FMN1: variants seen among roughly 807,000 people sequenced by gnomAD.
FMN1 encodes formin 1, also known as formin-1.
In FMN1, 110 loss-of-function variants were observed where a neutral mutation model predicts 132.4. The ratio of observed to expected loss-of-function variants is 0.83; its 90% confidence interval spans 0.71 to 0.97. The LOEUF (loss-of-function observed/expected upper bound fraction) is 0.97, where lower values mean the gene tolerates loss of function less well. Ranked by LOEUF, FMN1 falls within the 50% of genes least tolerant of loss-of-function variation. FMN1 has a pLI of 0.00. For synonymous variants in FMN1, 722 were observed against 651.7 expected (o/e 1.11, Z -1.64); for missense variants, 1,792 against 1,705.3 (o/e 1.05, Z -0.90).
At chr15:33,018,859 G>C (rs1596482220) in intron 6 of FMN1, among the ~76,000 whole-genome samples, 1 of 152,302 alleles carries the variant, frequency 6.6e-6, no homozygotes, top group African/African-American at 2.4e-5. Flanking sequence ...TCTTAAGGCA[G>C]CACGTCTGGA....
rs1405376367 is a variant in FMN1, at chr15:32,893,257, C to T, written c.3715-4965G>A. ...TCATCTGAGTGCCAAGATGGAACAA[C>T]ATCTAAGATCCTCACTACAAAGCTC... On this transcript the variant is annotated intron_variant, in intron 15 of 20. Coordinates refer to ENST00000616417, the MANE Select transcript of FMN1 (RefSeq NM_001277313.2). Among the ~76,000 whole-genome samples, 3 of 152,338 alleles carry T rather than the reference C, an allele frequency of 2.0e-5. No individual in the cohort carries two copies. In the East Asian group the frequency reaches 5.8e-4, roughly 29 times the overall value.
At chr15:32,803,815 T>C (rs1446995734) in intron 18 of FMN1, among the ~76,000 whole-genome samples, 2 of 152,204 alleles carry the variant, frequency 1.3e-5, no homozygotes, top group South Asian at 2.1e-4. Flanking sequence ...ACAGGCAGAA[T>C]AGTGTCATGA....
intron 9 of FMN1, among the ~76,000 whole-genome samples, chr15:32,953,702 G>A (rs377613091): frequency 3.9e-5 from 6 of 152,166 alleles, no homozygotes; most frequent in South Asian, 2.1e-4. Flanking sequence ...GCTAGGAGAC[G>A]GAGGAAAAAA....
intron 7 of FMN1, among the ~76,000 whole-genome samples, chr15:32,990,110 C>A (rs535892338): frequency 6.6e-6 from 1 of 152,078 alleles, no homozygotes; most frequent in Non-Finnish European, 1.5e-5. Flanking sequence ...TAGCTTTCCA[C>A]AAAAACTTAT....
At chr15:33,182,437 T>G (rs543101340) in intron 2 of FMN1, among the ~76,000 whole-genome samples, 53 of 152,348 alleles carry the variant, frequency 3.5e-4, no homozygotes, top group Non-Finnish European at 5.3e-4. Flanking sequence ...CCTCCTTGAC[T>G]AATCGCCCTC....
chr15:32,841,508 C>A (rs2058745087), intron 17 of FMN1, among the ~76,000 whole-genome samples: 1 of 152,096 alleles, frequency 6.6e-6, no homozygotes, highest in Admixed American at 6.5e-5. Context: ...TGGCTTTTAA[C>A]TATTTCTACA....
chr15:33,181,767 G>C (rs903169883), intron 2 of FMN1, among the ~76,000 whole-genome samples: 1 of 137,646 alleles, frequency 7.3e-6, no homozygotes, highest in Non-Finnish European at 1.5e-5. Context: ...GGAGTGCAAT[G>C]GCGTGATCTC....
chr15:32,883,960 T>A (rs955151775), intron 16 of FMN1, among the ~76,000 whole-genome samples: 1 of 152,166 alleles, frequency 6.6e-6, no homozygotes. Flanking sequence ...ACAGTTCCAG[T>A]TCACATTTCA....
chr15:33,153,985 C>T lies in FMN1; in HGVS notation c.930G>A (p.Lys310=), dbSNP rs1397678873. The stretch of plus-strand genomic sequence containing the variant: ...GCTTAGCCGGCTTCTCCATCTCATC[C>T]TTTTCTGCCTCTGGATGCTTCTCAG... ...QDPEKHPEAE[K]DEMEKPAKRT... is the part of the protein sequence containing the mutation. Residue 310 remains lysine, a synonymous_variant, in exon 4 of 21, where the codon AAG becomes AAA. Coordinates refer to ENST00000616417, the MANE Select transcript of FMN1 (RefSeq NM_001277313.2). The T allele has an allele frequency of 1.2e-5, 19 of 1,536,610 alleles. No individual in the cohort carries two copies. Among genetic ancestry groups the T allele is most frequent in the Non-Finnish European group, 1.7e-5 (19 of 1,147,068 alleles).
chr15:33,013,169 T>G (rs2034830232), intron 6 of FMN1: 1 of 366,332 alleles, frequency 2.7e-6, no homozygotes, highest in African/African-American at 2.1e-5. Flanking sequence ...AGCACAGTGG[T>G]GGCACAGGGC....
At chr15:33,115,462 T>C (rs958835875) in intron 4 of FMN1, among the ~76,000 whole-genome samples, 19 of 151,786 alleles carry the variant, frequency 1.3e-4, no homozygotes, top group African/African-American at 4.6e-4. Context: ...GTGTACAGCC[T>C]TGCTAAGGAA....
intron 6 of FMN1, among the ~76,000 whole-genome samples, chr15:33,049,168 A>AGTG (rs1209129307): frequency 6.6e-6 from 1 of 152,194 alleles, no homozygotes; most frequent in Non-Finnish European, 1.5e-5. Flanking sequence ...CTAAGGCCCT[A>AGTG]AGTTTTGGTC....
rs183986880 is a variant in FMN1, at chr15:33,107,965, T to C, written c.1868-18991A>G. ...CAGAGGTGTGTTTGCAGATCTTCTA[T>C]CATGAAAATAACAAAGGTTTCAGTT... On this transcript the variant is annotated intron_variant, in intron 4 of 20. Transcript: ENST00000616417. 1.7e-3 allele frequency among the ~76,000 whole-genome samples: 259 copies of C among 152,242 alleles called. 1 individual carries two copies. Among genetic ancestry groups the C allele is most frequent in the Admixed American group, 6.2e-3 (94 of 15,268 alleles).
chr15:33,119,717 C>T (rs958262808), intron 4 of FMN1, among the ~76,000 whole-genome samples: 1 of 152,118 alleles, frequency 6.6e-6, no homozygotes, highest in Admixed American at 6.6e-5. Context: ...TGAATCATCT[C>T]TCAAAACTAA....
At chr15:33,049,641 GT>G (rs1201130654) in intron 6 of FMN1, among the ~76,000 whole-genome samples, 1 of 152,166 alleles carries the variant, frequency 6.6e-6, no homozygotes, top group African/African-American at 2.4e-5. Context: ...CAGCCTACAG[GT>G]TTTTCTATAC....
Position 33,169,538 on chromosome 15 carries a change from A to G in FMN1, c.-132+10660T>C, listed in dbSNP as rs182454472. ...GAAGGGTAAGTTTCTTCCTCTTCCAAAAATACCAGGGAATTTCTGGGAATT... is the reference window on the plus strand; with the variant it reads ...GAAGGGTAAGTTTCTTCCTCTTCCAGAAATACCAGGGAATTTCTGGGAATT... On this transcript the variant is annotated intron_variant, in intron 3 of 20. Transcript: ENST00000616417. Among the ~76,000 whole-genome samples, 8 of 152,248 alleles carry G rather than the reference A, an allele frequency of 5.3e-5. No homozygotes were observed. The East Asian group carries it at 1.3e-3, about 26-fold the overall frequency.
At chr15:33,164,282 G>A (rs76540084) in intron 3 of FMN1, among the ~76,000 whole-genome samples, 8,245 of 152,204 alleles carry the variant, frequency 0.054, 252 homozygotes, top group East Asian at 0.099. Flanking sequence ...AGTTTCGGAG[G>A]CAAAATTCTT....
At chr15:32,917,213 C>T (rs566486986) in intron 10 of FMN1, among the ~76,000 whole-genome samples, 42 of 152,254 alleles carry the variant, frequency 2.8e-4, no homozygotes, top group East Asian at 1.9e-4. Flanking sequence ...GCCAGGGGAC[C>T]GTACAGATCT....
chr15:32,994,357 C>T (rs747283601), intron 7 of FMN1, among the ~76,000 whole-genome samples: 1 of 152,052 alleles, frequency 6.6e-6, no homozygotes, highest in Admixed American at 6.6e-5. Context: ...ACATTTCCCA[C>T]CTCTCTCCTG....
Sources: gnomAD v4.1 joint callset for allele counts (sites outside exome capture counted in the v4.1 genomes callset) on GRCh38, gnomAD v4.1.1 for gene constraint, MANE v1.5 for transcripts, NCBI Gene and HGNC (gene_info 2026-07-23, HGNC 2026-07-21) for gene names.